The following PROSER3 variants were observed in gnomAD, a reference collection of about 807,000 sequenced individuals.
PROSER3 encodes the protein proline and serine rich 3.
PROSER3 carries 33 observed loss-of-function variants against 50.2 expected under a neutral mutation model. The observed-to-expected ratio is 0.66, with a 90% CI of 0.50 to 0.88. The LOEUF is 0.88. Ranked by LOEUF, PROSER3 falls within the 40% of genes least tolerant of loss-of-function variation. PROSER3 has a pLI of 0.00. For missense variants in PROSER3, 623 were observed against 612.7 expected (o/e 1.02, Z -0.18); for synonymous variants, 266 against 259.3 (o/e 1.03, Z -0.25).
chr19:35,767,990 C>A, exon 9 of PROSER3: 1 of 1,597,504 alleles, frequency 6.3e-7, no homozygotes, highest in Non-Finnish European at 8.5e-7. Flanking sequence ...CCTGGCCCCG[C>A]CCCCGCCCGC....
intron 3 of PROSER3, 23 bp downstream of exon 3, chr19:35,760,014 G>A (rs763541787): frequency 1.3e-6 from 2 of 1,531,886 alleles, no homozygotes; most frequent in South Asian, 1.3e-5. Context: ...AGCCCTGGGG[G>A]AAAAAGAGGC....
At chr19:35,759,185 A>G (rs1391760953) in intron 1 of PROSER3, 189 bp from the exon 2 acceptor site, 4 of 582,898 alleles carry the variant, frequency 6.9e-6, no homozygotes, top group Non-Finnish European at 1.2e-5. Context: ...AGACTGCTCC[A>G]GGGGCGGGCT....
At chr19:35,765,242 C>A in intron 7 of PROSER3, 66 bp downstream of exon 7, 1 of 1,540,364 alleles carries the variant, frequency 6.5e-7, no homozygotes, top group Non-Finnish European at 8.8e-7. Flanking sequence ...CACTGACCAG[C>A]TATGGGACTT....
intron 3 of PROSER3, among the ~76,000 whole-genome samples, chr19:35,760,424 C>T (rs1437685906): frequency 3.9e-5 from 6 of 152,092 alleles, no homozygotes; most frequent in African/African-American, 9.7e-5. Context: ...GATTACAGGC[C>T]AGACGTACCA....
At chr19:35,765,987 G>A (rs999482254) in intron 7 of PROSER3, among the ~76,000 whole-genome samples, 7 of 152,186 alleles carry the variant, frequency 4.6e-5, no homozygotes, top group African/African-American at 1.7e-4. Context: ...GCCTTTTACC[G>A]GGAGAGAGGT....
chr19:35,758,484 C>G, intron 1 of PROSER3: 1 of 408,162 alleles, frequency 2.5e-6, no homozygotes, highest in Non-Finnish European at 4.3e-6. Flanking sequence ...CCAAGAAAGG[C>G]TTGAGATCTG....
intron 9 of PROSER3, 40 bp downstream of exon 9, chr19:35,768,105 C>T (rs763257746): frequency 1.3e-6 from 2 of 1,596,714 alleles, no homozygotes; most frequent in Non-Finnish European, 1.7e-6. Flanking sequence ...GGCAGGCCAG[C>T]CCCCTAAGAG....
At chr19:35,767,414 C>T in intron 8 of PROSER3, 1 of 261,688 alleles carries the variant, frequency 3.8e-6, no homozygotes. Context: ...CACCCTTGCA[C>T]CCCCAGCCTC....
chr19:35,760,072 C>T, intron 3 of PROSER3, 81 bp downstream of exon 3: 1 of 1,352,006 alleles, frequency 7.4e-7, no homozygotes, highest in Non-Finnish European at 9.9e-7. Context: ...TCATCATGGC[C>T]AGAGCTGTTT....
Position 35,761,931 on chromosome 19 carries a change from T to C in PROSER3, c.312-88T>C, listed in dbSNP as rs1970963001. ...GGATAGCTACCAGGCTCTGCCATGG[T>C]GCTTGGTAAACGTTGGCTGCTATAA... is the stretch of plus-strand genomic sequence containing the variant. On this transcript the variant is annotated intron_variant, in intron 3 of 10. Coordinates refer to ENST00000396908, the Ensembl canonical transcript of PROSER3. 2.1e-6 allele frequency: 3 copies of C among 1,401,094 alleles called. No homozygotes were observed. The East Asian group carries it at 7.6e-5, about 35-fold the overall frequency. 86.8% of individuals were successfully genotyped at this position (1,401,094 alleles called of 1,614,324 possible). A position where few individuals can be genotyped will look rare whatever the true frequency, so the allele number is the denominator to read the frequency against.
chr19:35,767,706 G>C, intron 8 of PROSER3: 1 of 1,442,526 alleles, frequency 6.9e-7, no homozygotes. Flanking sequence ...CACTTCGAGG[G>C]CCCCCCTCCA....
At chr19:35,768,678 C>T (rs761189206) in exon 11 of PROSER3, 23 of 1,164,822 alleles carry the variant, frequency 2.0e-5, no homozygotes, top group Middle Eastern at 5.8e-4. Flanking sequence ...CCCCATCCTC[C>T]GCTGCCCCAT....
chr19:35,767,516 A>G, intron 8 of PROSER3: 1 of 461,542 alleles, frequency 2.2e-6, no homozygotes, highest in Non-Finnish European at 3.9e-6. Context: ...CCCTGACCCA[A>G]GCAGCTGTGC....
At chr19:35,768,096 G>T in intron 9 of PROSER3, 31 bp downstream of exon 9, 1 of 1,592,192 alleles carries the variant, frequency 6.3e-7, no homozygotes, top group Non-Finnish European at 8.6e-7. Flanking sequence ...GATGTTGGAG[G>T]CAGGCCAGCC....
intron 5 of PROSER3, among the ~76,000 whole-genome samples, chr19:35,763,905 C>T (rs1971050910): frequency 1.3e-5 from 2 of 149,926 alleles, no homozygotes; most frequent in African/African-American, 4.9e-5. Flanking sequence ...TTGCAACCTT[C>T]GCCTCCTGAG....
chr19:35,762,041 G>A, exon 4 of PROSER3: 1 of 1,609,340 alleles, frequency 6.2e-7, no homozygotes, highest in Non-Finnish European at 8.5e-7. Flanking sequence ...GTTCCGCCAG[G>A]CTCAGCCCAC....
chr19:35,759,975 G>A lies in PROSER3; in HGVS notation c.295G>A (p.Asp99Asn), dbSNP rs777863489. The A allele has an allele frequency of 4.7e-5, 75 of 1,596,450 alleles. No homozygotes were observed. Among genetic ancestry groups the A allele is most frequent in the Non-Finnish European group, 5.6e-5 (66 of 1,170,552 alleles). Residue 99 changes from aspartate (D) to asparagine (N), a missense_variant, in exon 3 of 11, where the codon GAC becomes AAC. By Grantham distance (23) the Asp-to-Asn change is conservative (BLOSUM62 1). This residue lies in a region of PROSER3 where 236 missense variants were observed against 243.6 expected (regional missense o/e 0.97). Transcript: ENST00000396908. The stretch of plus-strand genomic sequence containing the variant: ...AGCACCCACCCTGATTGACAGCGGG[G>A]ACTCCGTGGTGGCCAAGTAAGTACC...
intron 7 of PROSER3, among the ~76,000 whole-genome samples, 181 bp from the exon 8 acceptor site, chr19:35,766,587 G>A (rs11084829): frequency 0.17 from 25,157 of 151,982 alleles, 2,249 homozygotes; most frequent in Middle Eastern, 0.34. Flanking sequence ...GACCAGGAGT[G>A]CTCGCTCCCC....
chr19:35,767,394 C>T, intron 8 of PROSER3: 1 of 271,514 alleles, frequency 3.7e-6, no homozygotes, highest in Non-Finnish European at 6.7e-6. Context: ...ACCCCAGCTC[C>T]CCTGGCCTCC....
Sources: allele counts gnomAD v4.1 joint callset (sites outside exome capture counted in the v4.1 genomes callset), GRCh38; gene constraint gnomAD v4.1.1; regional missense constraint gnomAD v4.1.1; transcripts MANE v1.5; gene names NCBI Gene and HGNC (gene_info 2026-07-23, HGNC 2026-07-21).